Variants in IL1RAPL1 observed in about 807,000 individuals in gnomAD.
IL1RAPL1 encodes the protein interleukin 1 receptor accessory protein like 1, also known as interleukin-1 receptor accessory protein-like 1.
In IL1RAPL1, 3 loss-of-function variants were observed where a neutral mutation model predicts 48.4. The ratio of observed to expected loss-of-function variants is 0.06; its 90% CI spans 0.03 to 0.16. IL1RAPL1 has a LOEUF of 0.16. Among genes scored for constraint, IL1RAPL1 ranks in the 10% least tolerant of loss-of-function variants. IL1RAPL1 has a pLI of 1.00. For missense variants in IL1RAPL1, 349 were observed against 530.6 expected (o/e 0.66, Z 3.36); for synonymous variants, 185 against 187.7 (o/e 0.99, Z 0.12).
At chrX:28,813,927 GGA>G (rs996494967) in intron 2 of IL1RAPL1, among the ~76,000 whole-genome samples, 2 of 110,625 alleles carry the variant, frequency 1.8e-5, no homozygotes, top group African/African-American at 6.6e-5. Context: ...CTCTTAGTGT[GGA>G]ATCTCTGCCC....
chrX:28,605,198 A>G (rs1403720809), intron 1 of IL1RAPL1, among the ~76,000 whole-genome samples: 1 of 112,160 alleles, frequency 8.9e-6, no homozygotes, highest in Non-Finnish European at 1.9e-5. Context: ...CACCTCTTAA[A>G]TTTATATCTA....
chrX:29,374,096 C>G (rs188697748), intron 3 of IL1RAPL1, among the ~76,000 whole-genome samples: 2 of 103,964 alleles, frequency 1.9e-5, no homozygotes, highest in East Asian at 6.0e-4. Context: ...CTGAAGTTTT[C>G]TTTTTTTGTC....
chrX:29,417,673 C>T (rs4829166), intron 5 of IL1RAPL1, among the ~76,000 whole-genome samples: 41,296 of 110,036 alleles, frequency 0.38, 6,284 homozygotes, highest in Middle Eastern at 0.55. Flanking sequence ...CAATATGTTT[C>T]TCAGGGAAGA....
chrX:29,418,125 A>ATTTTTTTTTT (rs1186251989), intron 5 of IL1RAPL1, among the ~76,000 whole-genome samples: 2 of 26,704 alleles, frequency 7.5e-5, no homozygotes, highest in Non-Finnish European at 1.2e-4. Flanking sequence ...ATATATATAT[A>ATTTTTTTTTT]TTTTTTTTTT....
chrX:28,681,501 G>A (rs1452676638), intron 1 of IL1RAPL1, among the ~76,000 whole-genome samples: 3 of 111,130 alleles, frequency 2.7e-5, no homozygotes, highest in Non-Finnish European at 5.7e-5. Flanking sequence ...GTCAGGGTTG[G>A]GGGGAAAGAG....
At chrX:29,268,951 T>C (rs1389638740) in intron 2 of IL1RAPL1, among the ~76,000 whole-genome samples, 1 of 112,045 alleles carries the variant, frequency 8.9e-6, no homozygotes, top group East Asian at 2.8e-4. Flanking sequence ...GGACATGGTA[T>C]GACCACTAAG....
intron 5 of IL1RAPL1, among the ~76,000 whole-genome samples, chrX:29,430,922 C>G (rs986456947): frequency 8.0e-4 from 88 of 110,408 alleles, no homozygotes; most frequent in African/African-American, 2.9e-3. Context: ...CCCCCAAATA[C>G]CAAGGAGAAT....
At chrX:29,603,444 G>A (rs1230057124) in intron 5 of IL1RAPL1, among the ~76,000 whole-genome samples, 4 of 111,724 alleles carry the variant, frequency 3.6e-5, no homozygotes, top group African/African-American at 1.3e-4. Context: ...GCTGATCTTA[G>A]GAAACCATCA....
intron 8 of IL1RAPL1, among the ~76,000 whole-genome samples, chrX:29,920,814 A>AAAAAG (rs776238482): frequency 0.012 from 1,115 of 93,127 alleles, 1 homozygote; most frequent in Non-Finnish European, 0.018. Flanking sequence ...AAAAAAAAAA[A>AAAAAG]AAAAGAAAAG....
intron 2 of IL1RAPL1, among the ~76,000 whole-genome samples, chrX:29,280,256 G>A (rs1411597525): frequency 9.0e-6 from 1 of 111,722 alleles, no homozygotes; most frequent in Non-Finnish European, 1.9e-5. Flanking sequence ...GTTTAACGTG[G>A]TATGCCAGCT....
chrX:28,853,935 T>C (rs1458235843), intron 2 of IL1RAPL1, among the ~76,000 whole-genome samples: 4 of 111,707 alleles, frequency 3.6e-5, no homozygotes, highest in Non-Finnish European at 1.9e-5. Flanking sequence ...AATATCATCA[T>C]AGTGAGGTTT....
At chrX:28,698,612 T>C (rs1417291739) in intron 1 of IL1RAPL1, among the ~76,000 whole-genome samples, 1 of 111,665 alleles carries the variant, frequency 9.0e-6, no homozygotes, top group Non-Finnish European at 1.9e-5. Flanking sequence ...ATAGGCTACC[T>C]GTCTTAATGT....
chrX:28,899,428 G>A (rs1452410435), intron 2 of IL1RAPL1, among the ~76,000 whole-genome samples: 1 of 111,969 alleles, frequency 8.9e-6, no homozygotes, highest in Non-Finnish European at 1.9e-5. Flanking sequence ...AAAGTGCTGG[G>A]ATTGCAAGCA....
chrX:28,937,219 A>T lies in IL1RAPL1; in HGVS notation c.82+147794A>T, dbSNP rs1358357574. 2.7e-5 allele frequency among the ~76,000 whole-genome samples: 3 copies of T among 111,727 alleles called. No homozygotes were observed. The Admixed American group carries it at 2.9e-4, about 11-fold the overall frequency. On this transcript the variant is annotated intron_variant, in intron 2 of 10. Transcript: ENST00000378993. ...GTGTTACCGTTTCTATTGAATAATT[A>T]TTCTGAGGTCCCCTTTCACCCATGA...
chrX:29,448,808 A>G (rs1244482007), intron 5 of IL1RAPL1, among the ~76,000 whole-genome samples: 1 of 111,690 alleles, frequency 9.0e-6, no homozygotes, highest in African/African-American at 3.3e-5. Flanking sequence ...TGGAAGCTGG[A>G]AAGTCCAAGA....
At chrX:28,880,453 A>G (rs1922475311) in intron 2 of IL1RAPL1, among the ~76,000 whole-genome samples, 1 of 112,514 alleles carries the variant, frequency 8.9e-6, no homozygotes, top group Non-Finnish European at 1.9e-5. Context: ...ATTGTTAAGA[A>G]TTTTCTGAAC....
intron 6 of IL1RAPL1, among the ~76,000 whole-genome samples, chrX:29,754,520 G>T (rs1376419095): frequency 8.9e-6 from 1 of 111,830 alleles, no homozygotes; most frequent in Non-Finnish European, 1.9e-5. Context: ...TCCCAAGTGT[G>T]TTTTTTTAAT....
At chrX:29,386,656 C>T (rs1933781930) in intron 3 of IL1RAPL1, among the ~76,000 whole-genome samples, 1 of 109,149 alleles carries the variant, frequency 9.2e-6, no homozygotes, top group Non-Finnish European at 1.9e-5. Flanking sequence ...GATCCTCCCA[C>T]CTCAGCCTCC....
At chrX:29,701,455 G>A (rs776843983) in intron 6 of IL1RAPL1, among the ~76,000 whole-genome samples, 2 of 111,990 alleles carry the variant, frequency 1.8e-5, no homozygotes, top group Non-Finnish European at 3.8e-5. Context: ...GAAAATTGAA[G>A]TTTTGTCTGA....
Sources: gnomAD v4.1 joint callset for allele counts (sites outside exome capture counted in the v4.1 genomes callset) on GRCh38, gnomAD v4.1.1 for gene constraint, MANE v1.5 for transcripts, NCBI Gene and HGNC (gene_info 2026-07-23, HGNC 2026-07-21) for gene names.